Variants in INSL6 observed in about 807,000 individuals in gnomAD.
INSL6 encodes insulin like 6, also known as insulin-like peptide INSL6.
In INSL6, 16 loss-of-function variants were observed where a neutral mutation model predicts 9.4. The ratio of observed to expected loss-of-function variants is 1.70; its 90% CI spans 1.15 to 2.59. The LOEUF (loss-of-function observed/expected upper bound fraction) is 2.59, where lower values mean the gene tolerates loss of function less well. Ranked by LOEUF, INSL6 falls within the 30% of genes most tolerant of loss-of-function variation. INSL6 has a pLI of 0.00. For missense variants in INSL6, 391 were observed against 257.3 expected, an observed-to-expected ratio of 1.52 and a Z score of -3.56; for synonymous variants, 154 against 96.9, an observed-to-expected ratio of 1.59 and a Z score of -3.46.
At chr9:5,034,520 G>A in the INSL6 span, among the ~76,000 whole-genome samples, 2 of 151,984 alleles carry the variant, frequency 1.3e-5, no homozygotes, top group African/African-American at 4.8e-5. Context: ...TAAAAGAACA[G>A]AAATTATAAC....
chr9:5,039,227 C>G, the INSL6 span, among the ~76,000 whole-genome samples: 1 of 151,998 alleles, frequency 6.6e-6, no homozygotes, highest in African/African-American at 2.4e-5. Flanking sequence ...GTAGTCATCC[C>G]GCTGTATCCA....
the INSL6 span, among the ~76,000 whole-genome samples, chr9:5,070,414 C>T: frequency 1.3e-5 from 2 of 151,930 alleles, no homozygotes; most frequent in Admixed American, 1.3e-4. Flanking sequence ...AAAATCCAGC[C>T]ATCTCTCAGT....
At chr9:5,107,567 A>T in the INSL6 span, among the ~76,000 whole-genome samples, 31 of 152,176 alleles carry the variant, frequency 2.0e-4, no homozygotes, top group Middle Eastern at 3.2e-3. Flanking sequence ...GATTGAATTG[A>T]ATTGGTAAAT....
intron 2 of INSL6, among the ~76,000 whole-genome samples, chr9:5,155,025 C>T (rs944485370): frequency 5.9e-5 from 9 of 151,808 alleles, no homozygotes; most frequent in East Asian, 3.9e-4. Flanking sequence ...CACATGCACA[C>T]GTATGTTTAT....
chr9:5,135,211 C>A (rs765917768), intron 2 of INSL6, among the ~76,000 whole-genome samples: 5 of 152,106 alleles, frequency 3.3e-5, no homozygotes, highest in Non-Finnish European at 7.4e-5. Context: ...TACAAAGAGA[C>A]TTACACTCCC....
chr9:5,080,237 G>C, the INSL6 span: 1 of 1,610,750 alleles, frequency 6.2e-7, no homozygotes, highest in Admixed American at 1.7e-5. Flanking sequence ...AGTTCTTCAG[G>C]AGAGAATACC....
chr9:5,036,408 C>A, the INSL6 span, among the ~76,000 whole-genome samples: 1 of 152,094 alleles, frequency 6.6e-6, no homozygotes, highest in African/African-American at 2.4e-5. Flanking sequence ...AAAAAGAGCC[C>A]ACATTGCCAA....
At chr9:5,022,119 C>A in the INSL6 span, 2 of 1,614,014 alleles carry the variant, frequency 1.2e-6, no homozygotes, top group Non-Finnish European at 1.7e-6. Flanking sequence ...TGTATCTTTA[C>A]CATTCCCTTG....
chr9:5,010,540 C>T, the INSL6 span, among the ~76,000 whole-genome samples: 3 of 152,094 alleles, frequency 2.0e-5, no homozygotes, highest in Non-Finnish European at 4.4e-5. Context: ...AGGTTGGTCT[C>T]GAACTCCTGA....
intron 1 of INSL6, among the ~76,000 whole-genome samples, chr9:5,175,499 C>G (rs1485971792): frequency 6.6e-6 from 1 of 152,128 alleles, no homozygotes; most frequent in Non-Finnish European, 1.5e-5. Flanking sequence ...AAAACAAAGT[C>G]TTTAAAATGA....
the INSL6 span, among the ~76,000 whole-genome samples, chr9:5,048,808 C>G: frequency 6.6e-6 from 1 of 152,128 alleles, no homozygotes; most frequent in Non-Finnish European, 1.5e-5. Flanking sequence ...CAAGTTATTA[C>G]ATCAAGAGAA....
chr9:5,036,581 T>C, the INSL6 span, among the ~76,000 whole-genome samples: 1 of 152,128 alleles, frequency 6.6e-6, no homozygotes, highest in Non-Finnish European at 1.5e-5. Context: ...ATCTGATCTT[T>C]GACAAACCTG....
intron 1 of INSL6, among the ~76,000 whole-genome samples, chr9:5,182,169 G>C (rs1825471007): frequency 6.6e-6 from 1 of 152,094 alleles, no homozygotes; most frequent in Admixed American, 6.5e-5. Flanking sequence ...CATAGGTTAG[G>C]TGTTCAAAAC....
the INSL6 span, among the ~76,000 whole-genome samples, chr9:4,997,825 C>T: frequency 8.5e-5 from 13 of 152,078 alleles, no homozygotes; most frequent in African/African-American, 3.1e-4. Flanking sequence ...ACTGGAAATC[C>T]TTCCAAAACA....
the INSL6 span, among the ~76,000 whole-genome samples, chr9:5,105,278 C>T: frequency 6.6e-6 from 1 of 152,110 alleles, no homozygotes. Flanking sequence ...GACAAACATA[C>T]AGCCAAATCA....
At chr9:5,127,057 G>T in intron 3 of INSL6, 1 of 266,126 alleles carries the variant, frequency 3.8e-6, no homozygotes, top group South Asian at 1.2e-4. Context: ...ACTCTTGTCT[G>T]GCAAAAGAAA....
the INSL6 span, among the ~76,000 whole-genome samples, chr9:5,071,325 G>C: frequency 6.6e-6 from 1 of 152,090 alleles, no homozygotes; most frequent in African/African-American, 2.4e-5. Flanking sequence ...TTAAGAGTCA[G>C]TAGACCAACA....
chr9:5,030,165 TAAAC>T, the INSL6 span, among the ~76,000 whole-genome samples: 1 of 152,182 alleles, frequency 6.6e-6, no homozygotes, highest in Admixed American at 6.5e-5. Context: ...ATTAAATAAG[TAAAC>T]AAAATCACAG....
chr9:5,031,057 A>ATCTTCTTTATCTATTATAT, the INSL6 span, among the ~76,000 whole-genome samples: 1 of 152,170 alleles, frequency 6.6e-6, no homozygotes, highest in Non-Finnish European at 1.5e-5. Flanking sequence ...ACAGTATAGG[A>ATCTTCTTTATCTATTATAT]AAATTAGAAA....
Sources: gnomAD v4.1 joint callset for allele counts (sites outside exome capture counted in the v4.1 genomes callset) on GRCh38, gnomAD v4.1.1 for gene constraint, MANE v1.5 for transcripts, NCBI Gene and HGNC (gene_info 2026-07-23, HGNC 2026-07-21) for gene names.